Variants in MOCOS observed in about 807,000 individuals in gnomAD.
MOCOS encodes the protein human molybdenum cofactor sulfurase.
A neutral mutation model predicts 83.6 loss-of-function variants in MOCOS; 86 were observed. The observed-to-expected ratio is 1.03, with a 90% CI of 0.86 to 1.23. The LOEUF (loss-of-function observed/expected upper bound fraction) is 1.23. Among genes scored for constraint, MOCOS ranks in the 50% most tolerant of loss-of-function variants. The pLI, the probability that MOCOS is intolerant of heterozygous loss-of-function variation, is 0.00. For synonymous variants in MOCOS, 445 were observed against 434.7 expected (o/e 1.02, Z -0.29); for missense variants, 1,120 against 1,126.9 (o/e 0.99, Z 0.09).
intron 7 of MOCOS, among the ~76,000 whole-genome samples, chr18:36,214,892 T>C (rs967981078): frequency 6.6e-6 from 1 of 152,210 alleles, no homozygotes; most frequent in Non-Finnish European, 1.5e-5. Flanking sequence ...CCAGGACTGC[T>C]CCATGCACTG....
At chr18:36,235,860 T>G (rs1313955033) in intron 9 of MOCOS, among the ~76,000 whole-genome samples, 2 of 151,086 alleles carry the variant, frequency 1.3e-5, no homozygotes, top group Non-Finnish European at 3.0e-5. Flanking sequence ...GTGGTTTTGA[T>G]TTGCATTTCT....
At position 36,215,670 on chromosome 18, in the gene MOCOS, C is replaced by T. The variant is rs1475103094; in HGVS notation, c.1490C>T (p.Pro497Leu). Residue 497 changes from proline (P) to leucine (L), a missense_variant, in exon 8 of 15, where the codon CCT becomes CTT. Physicochemically the swap from Pro to Leu is moderately conservative, Grantham distance 98. Coordinates refer to ENST00000261326, the MANE Select transcript of MOCOS (RefSeq NM_017947.4). ...DTRLHSSGDW[P>L]VPQAHADTGE... Reference sequence around the variant, plus strand: ...CGCCTGCACTCATCAGGGGACTGGCCTGTCCCTCAGGCCCATGCTGACACC... The same window carrying T: ...CGCCTGCACTCATCAGGGGACTGGCTTGTCCCTCAGGCCCATGCTGACACC... The T allele has an allele frequency of 1.2e-6, 2 of 1,614,214 alleles. No homozygotes were observed. Among genetic ancestry groups the T allele is most frequent in the East Asian group, 2.2e-5 (1 of 44,870 alleles).
At chr18:36,199,157 C>G (rs1488730460) in intron 3 of MOCOS, among the ~76,000 whole-genome samples, 1 of 151,914 alleles carries the variant, frequency 6.6e-6, no homozygotes, top group Non-Finnish European at 1.5e-5. Context: ...TTTCCCTTTT[C>G]CCCCCTTTTT....
intron 9 of MOCOS, among the ~76,000 whole-genome samples, chr18:36,235,614 C>A (rs1234270568): frequency 6.8e-6 from 1 of 146,166 alleles, no homozygotes; most frequent in Non-Finnish European, 1.5e-5. Context: ...GTCTTTATAG[C>A]AGCATGATTT....
intron 7 of MOCOS, among the ~76,000 whole-genome samples, chr18:36,213,862 G>A (rs1406784136): frequency 6.6e-6 from 1 of 151,964 alleles, no homozygotes; most frequent in Non-Finnish European, 1.5e-5. Flanking sequence ...CCAGGAGGCA[G>A]AGGTTGCAGT....
At chr18:36,213,943 G>GA (rs1193365991) in intron 7 of MOCOS, among the ~76,000 whole-genome samples, 104 of 136,146 alleles carry the variant, frequency 7.6e-4, no homozygotes, top group East Asian at 2.5e-3. Context: ...TCCAACCAAA[G>GA]AAAAAAAAAA....
chr18:36,266,663 G>A, intron 13 of MOCOS, 86 bp from the exon 14 acceptor site: 1 of 1,110,402 alleles, frequency 9.0e-7, no homozygotes, highest in Non-Finnish European at 1.4e-6. Flanking sequence ...TTAGGGGACT[G>A]GGCATTTCTG....
chr18:36,220,312 C>G (rs536791192), intron 9 of MOCOS, 95 bp downstream of exon 9: 18 of 1,500,272 alleles, frequency 1.2e-5, no homozygotes, highest in Non-Finnish European at 1.5e-5. Flanking sequence ...AACCCATCAG[C>G]CTGGGCAATA....
chr18:36,255,111 A>T (rs1025000570), intron 11 of MOCOS, among the ~76,000 whole-genome samples: 2 of 152,332 alleles, frequency 1.3e-5, no homozygotes, highest in African/African-American at 4.8e-5. Context: ...TAAGAAAAAA[A>T]TTAGCGAAAA....
intron 13 of MOCOS, 23 bp from the exon 14 acceptor site, chr18:36,266,724 CTG>C (rs375005905): frequency 3.1e-4 from 495 of 1,603,170 alleles, no homozygotes; most frequent in Non-Finnish European, 4.1e-4. Context: ...TGTGGCAACG[CTG>C]TGTTTTCCTT....
intron 6 of MOCOS, among the ~76,000 whole-genome samples, chr18:36,212,979 C>CT (rs1273576940): frequency 2.0e-5 from 3 of 152,174 alleles, no homozygotes; most frequent in Non-Finnish European, 2.9e-5. Context: ...CAGGAAAGAG[C>CT]TTTGGGAACT....
intron 9 of MOCOS, among the ~76,000 whole-genome samples, chr18:36,246,549 G>A (rs374676202): frequency 6.6e-6 from 1 of 152,234 alleles, no homozygotes; most frequent in Non-Finnish European, 1.5e-5. Context: ...AGTGGACTCT[G>A]TTGGGAGTCC....
intron 9 of MOCOS, among the ~76,000 whole-genome samples, chr18:36,224,618 A>G (rs1331711024): frequency 2.6e-5 from 4 of 151,976 alleles, no homozygotes; most frequent in African/African-American, 4.8e-5. Flanking sequence ...TCATCCTTAC[A>G]TCCCAGGAAT....
intron 6 of MOCOS, 40 bp from the exon 7 acceptor site, chr18:36,213,326 C>T (rs368244481): frequency 4.7e-5 from 70 of 1,499,244 alleles, no homozygotes; most frequent in East Asian, 1.6e-4. Flanking sequence ...TAAAACTGCA[C>T]GTTGGTAATG....
At chr18:36,198,891 T>G in intron 3 of MOCOS, 135 bp downstream of exon 3, 1 of 893,840 alleles carries the variant, frequency 1.1e-6, no homozygotes, top group South Asian at 1.4e-5. Flanking sequence ...AATGCATGTA[T>G]GTTGAGAAAC....
rs1365479476 is a variant in MOCOS, at chr18:36,215,828, G to T, written c.1648G>T (p.Ala550Ser). The T allele has an allele frequency of 6.2e-7, 1 of 1,614,260 alleles. No individual in the cohort carries two copies. The highest frequency in any genetic ancestry group is 1.1e-5 in the South Asian group (1 of 91,088). ...TTGGAACAACTCGTCTACTGTGAAT[G>T]CTGTGCCTGTGGCCCCACCTGTGTG... ...RVWNNSSTVN[A>S]VPVAPPVCDV... is the part of the protein sequence containing the mutation. Residue 550 changes from alanine (A) to serine (S), a missense_variant, in exon 8 of 15, where the codon GCT becomes TCT. By Grantham distance (99) the Ala-to-Ser change is moderately conservative (BLOSUM62 1). Transcript: ENST00000261326.
chr18:36,233,975 C>G (rs2144935194), intron 9 of MOCOS, among the ~76,000 whole-genome samples: 1 of 152,234 alleles, frequency 6.6e-6, no homozygotes, highest in South Asian at 2.1e-4. Context: ...TTCTCTCTCA[C>G]TTTGTGGATT....
At chr18:36,235,942 T>C (rs2091557004) in intron 9 of MOCOS, among the ~76,000 whole-genome samples, 1 of 152,000 alleles carries the variant, frequency 6.6e-6, no homozygotes, top group Non-Finnish European at 1.5e-5. Flanking sequence ...TTGAGACGTG[T>C]CTGTTCATGT....
Position 36,187,673 on chromosome 18 carries a change from G to T in MOCOS, c.134G>T (p.Arg45Leu). The T allele has an allele frequency of 7.9e-7, 1 of 1,263,398 alleles. No homozygotes were observed. The allele number at this position is 1,263,398 out of a possible 1,614,324, so 78.3% of individuals were successfully genotyped here. A position where few individuals can be genotyped will look rare whatever the true frequency, so the allele number is the denominator to read the frequency against. The change falls in exon 1 of 15, where the codon CGC becomes CTC. Residue 45 changes from arginine to leucine, a missense_variant. Arg to Leu is a moderately radical substitution (Grantham distance 102). Transcript: ENST00000261326. Reference sequence around the variant, plus strand: ...GAGCTGCGGGCGCGCGAGTTCAGCCGCCTGGCAGGTGAGGCGGGCGGGCAG... The same window carrying T: ...GAGCTGCGGGCGCGCGAGTTCAGCCTCCTGGCAGGTGAGGCGGGCGGGCAG... ...LRELRAREFS[R>L]LAGTVYLDHA...
Sources: gnomAD v4.1 joint callset for allele counts (sites outside exome capture counted in the v4.1 genomes callset) on GRCh38, gnomAD v4.1.1 for gene constraint, MANE v1.5 for transcripts, NCBI Gene and HGNC (gene_info 2026-07-23, HGNC 2026-07-21) for gene names.